The following GUCY1A2 variants were observed in gnomAD, a reference collection of about 807,000 sequenced individuals.
The protein encoded by GUCY1A2 is guanylate cyclase 1 soluble subunit alpha 2, also known as guanylate cyclase soluble subunit alpha-2.
A neutral mutation model predicts 63.5 loss-of-function variants in GUCY1A2; 27 were observed. That is an observed-to-expected ratio of 0.43 (90% confidence interval 0.31 to 0.59). The LOEUF (loss-of-function observed/expected upper bound fraction) is 0.59, where lower values mean the gene tolerates loss of function less well. Among genes scored for constraint, GUCY1A2 ranks in the 20% least tolerant of loss-of-function variants. The probability of loss-of-function intolerance (pLI) is 0.11; values close to 1 mark genes in which losing one functional copy is unlikely to be tolerated. For missense variants in GUCY1A2, 768 were observed against 913.3 expected (o/e 0.84, Z 2.05); for synonymous variants, 364 against 343.5 (o/e 1.06, Z -0.66).
At chr11:106,824,926 G>A (rs531688187) in intron 4 of GUCY1A2, 9 of 1,612,236 alleles carry the variant, frequency 5.6e-6, no homozygotes, top group East Asian at 2.2e-5. Flanking sequence ...AAGAATACAG[G>A]AGCTAAGAAA....
intron 4 of GUCY1A2, among the ~76,000 whole-genome samples, chr11:106,818,902 A>G (rs537687718): frequency 3.9e-5 from 6 of 152,154 alleles, no homozygotes; most frequent in Admixed American, 1.3e-4. Flanking sequence ...CTCTAATTCT[A>G]TGAAGGCTGA....
intron 1 of GUCY1A2, among the ~76,000 whole-genome samples, chr11:106,991,034 A>C (rs913590606): frequency 1.3e-5 from 2 of 152,138 alleles, no homozygotes; most frequent in Admixed American, 1.3e-4. Flanking sequence ...CTGTCGCCCA[A>C]GCTGGAGTGC....
intron 4 of GUCY1A2, among the ~76,000 whole-genome samples, chr11:106,821,833 TTTATG>T (rs537423387): frequency 4.5e-4 from 69 of 152,280 alleles, no homozygotes; most frequent in Non-Finnish European, 6.9e-4. Flanking sequence ...TGTGTATTAT[TTTATG>T]TTATCATTAA....
intron 1 of GUCY1A2, among the ~76,000 whole-genome samples, chr11:107,011,582 T>C (rs1212644665): frequency 6.9e-6 from 1 of 144,436 alleles, no homozygotes; most frequent in Non-Finnish European, 1.5e-5. Context: ...TATATATTTA[T>C]AATATATAAA....
At chr11:106,838,570 A>C (rs1859148490) in intron 4 of GUCY1A2, among the ~76,000 whole-genome samples, 1 of 151,942 alleles carries the variant, frequency 6.6e-6, no homozygotes, top group South Asian at 2.1e-4. Flanking sequence ...CAATTGGTGT[A>C]ATTTATCATA....
chr11:106,956,504 T>G (rs1396975783), intron 3 of GUCY1A2, among the ~76,000 whole-genome samples: 1 of 152,090 alleles, frequency 6.6e-6, no homozygotes, highest in Admixed American at 6.5e-5. Context: ...TGTTGTCACT[T>G]TCTGCTTGTT....
At chr11:107,001,682 TA>T (rs11402662) in intron 1 of GUCY1A2, among the ~76,000 whole-genome samples, 7 of 150,420 alleles carry the variant, frequency 4.7e-5, no homozygotes, top group Admixed American at 2.0e-4. Flanking sequence ...GTGGTATACT[TA>T]AAAAAAAAAT....
chr11:106,904,265 T>G (rs1565326725), intron 4 of GUCY1A2, among the ~76,000 whole-genome samples: 1 of 152,274 alleles, frequency 6.6e-6, no homozygotes, highest in East Asian at 1.9e-4. Context: ...CTGTATCTCA[T>G]CCAAAATGGA....
intron 4 of GUCY1A2, among the ~76,000 whole-genome samples, chr11:106,852,114 G>A (rs1186144167): frequency 6.6e-6 from 1 of 151,756 alleles, no homozygotes; most frequent in Non-Finnish European, 1.5e-5. Context: ...ATTGTAAATG[G>A]CATAGTTTTC....
chr11:106,898,097 T>C (rs531947928), intron 4 of GUCY1A2, among the ~76,000 whole-genome samples: 1 of 152,280 alleles, frequency 6.6e-6, no homozygotes, highest in South Asian at 2.1e-4. Context: ...GGAATATATG[T>C]TCCACATCAT....
chr11:106,916,837 T>C (rs1860376301), intron 4 of GUCY1A2, among the ~76,000 whole-genome samples: 1 of 145,686 alleles, frequency 6.9e-6, no homozygotes, highest in Admixed American at 6.9e-5. Context: ...ATAAAATTTA[T>C]AAACACTTGC....
intron 3 of GUCY1A2, among the ~76,000 whole-genome samples, chr11:106,944,738 C>G (rs1263241104): frequency 6.6e-6 from 1 of 151,924 alleles, no homozygotes; most frequent in Non-Finnish European, 1.5e-5. Context: ...TGAAGCCAAC[C>G]CCCATGTGAG....
intron 1 of GUCY1A2, among the ~76,000 whole-genome samples, chr11:107,007,583 T>C (rs1861687828): frequency 6.6e-6 from 1 of 152,166 alleles, no homozygotes; most frequent in African/African-American, 2.4e-5. Flanking sequence ...CCCAATTTGA[T>C]CTACATACTC....
At chr11:106,818,199 C>T (rs748759568) in intron 4 of GUCY1A2, among the ~76,000 whole-genome samples, 6 of 152,114 alleles carry the variant, frequency 3.9e-5, no homozygotes, top group Non-Finnish European at 8.8e-5. Context: ...CATTGTTTTA[C>T]AAATTGAAAG....
intron 4 of GUCY1A2, among the ~76,000 whole-genome samples, chr11:106,862,805 G>A (rs1279652514): frequency 1.3e-5 from 2 of 152,036 alleles, no homozygotes; most frequent in Non-Finnish European, 2.9e-5. Flanking sequence ...ATCCCTGGCT[G>A]GATTTTCAGA....
intron 1 of GUCY1A2, among the ~76,000 whole-genome samples, chr11:107,007,090 C>T (rs1015403345): frequency 6.6e-6 from 1 of 152,112 alleles, no homozygotes; most frequent in South Asian, 2.1e-4. Flanking sequence ...GCCAAGAAAA[C>T]CGTACAGTAT....
rs183711881 is a variant in GUCY1A2, at chr11:106,799,290, C to T, written c.1692+10703G>A. ...GAACATTCCATGCTCATGGGTAGGA[C>T]GAATCAATGTCATGAAAATGGCCAT... On this transcript the variant is annotated intron_variant, in intron 5 of 7. Transcript: ENST00000526355. Among the ~76,000 whole-genome samples the T allele has an allele frequency of 3.8e-4, 58 of 152,132 alleles. 1 individual carries two copies. In the South Asian group the frequency reaches 8.1e-3, roughly 21 times the overall value.
chr11:106,695,533 G>T (rs967084304), intron 7 of GUCY1A2, among the ~76,000 whole-genome samples: 1 of 152,130 alleles, frequency 6.6e-6, no homozygotes, highest in African/African-American at 2.4e-5. Flanking sequence ...CCTAAGTGTT[G>T]TAAAGTTCCT....
intron 3 of GUCY1A2, among the ~76,000 whole-genome samples, chr11:106,954,358 G>A (rs1471745972): frequency 1.3e-5 from 2 of 152,134 alleles, no homozygotes; most frequent in African/African-American, 2.4e-5. Context: ...TAATTTGATT[G>A]CACTGTGGTC....
Sources: allele counts gnomAD v4.1 joint callset (sites outside exome capture counted in the v4.1 genomes callset), GRCh38; gene constraint gnomAD v4.1.1; transcripts MANE v1.5; gene names NCBI Gene and HGNC (gene_info 2026-07-23, HGNC 2026-07-21).